CACNA1E: variants seen among roughly 807,000 people sequenced by gnomAD.
CACNA1E encodes calcium voltage-gated channel subunit alpha1 E, also known as voltage-dependent R-type calcium channel subunit alpha-1E.
CACNA1E carries 40 observed loss-of-function variants against 259.2 expected under a neutral mutation model. The ratio of observed to expected loss-of-function variants is 0.15; its 90% CI spans 0.12 to 0.20. CACNA1E has a LOEUF of 0.20. Ranked by LOEUF, CACNA1E falls within the 10% of genes least tolerant of loss-of-function variation. The probability of loss-of-function intolerance (pLI) is 1.00; values close to 1 mark genes in which losing one functional copy is unlikely to be tolerated. For missense variants in CACNA1E, 1,874 were observed against 3,040.1 expected, an observed-to-expected ratio of 0.62 and a Z score of 9.02; for synonymous variants, 1,104 against 1,138.5, an observed-to-expected ratio of 0.97 and a Z score of 0.61.
At chr1:181,756,728 C>T (rs957310680) in intron 29 of CACNA1E, among the ~76,000 whole-genome samples, 197 bp from the exon 30 acceptor site, 7 of 152,068 alleles carry the variant, frequency 4.6e-5, no homozygotes, top group South Asian at 4.2e-4. Flanking sequence ...GAGTTGAGTG[C>T]GTGATGGAAC....
intron 2 of CACNA1E, among the ~76,000 whole-genome samples, chr1:181,440,895 C>T (rs1660417385): frequency 6.9e-6 from 1 of 145,786 alleles, no homozygotes; most frequent in South Asian, 2.2e-4. Context: ...GTGGAAGGAT[C>T]GCTTGAGCCT....
At chr1:181,699,045 A>T (rs1327376319) in intron 7 of CACNA1E, among the ~76,000 whole-genome samples, 1 of 152,206 alleles carries the variant, frequency 6.6e-6, no homozygotes, top group Non-Finnish European at 1.5e-5. Context: ...GAATAGGTGT[A>T]CAGCTTGTTT....
At chr1:181,592,008 T>A (rs149299891) in intron 6 of CACNA1E, among the ~76,000 whole-genome samples, 22 of 152,344 alleles carry the variant, frequency 1.4e-4, no homozygotes, top group African/African-American at 4.1e-4. Context: ...CACTTTACAC[T>A]TTCCATTTGC....
Position 181,758,888 on chromosome 1 carries a change from C to A in CACNA1E, c.4605+20C>A. 7.6e-7 allele frequency: 1 copy of A among 1,312,788 alleles called. No individual in the cohort carries two copies. Among genetic ancestry groups the A allele is most frequent in the Non-Finnish European group, 1.1e-6 (1 of 907,256 alleles). The allele number at this position is 1,312,788 out of a possible 1,614,324, so 81.3% of individuals were successfully genotyped here. A position where few individuals can be genotyped will look rare whatever the true frequency, so the allele number is the denominator to read the frequency against. ...TTTTTGGTATGTTGCTGAATCCTTC[C>A]CAGCACTGGGCTTGTCTCTTTCTGT... On this transcript the variant is annotated intron_variant, in intron 32 of 47. Coordinates refer to ENST00000367573, the MANE Select transcript of CACNA1E (RefSeq NM_001205293.3). The surrounding 1 kb of genome is among the most constrained non-coding windows in gnomAD (Gnocchi z 4.2).
intron 1 of CACNA1E, among the ~76,000 whole-genome samples, chr1:181,350,588 C>T (rs1191050863): frequency 2.6e-5 from 4 of 152,136 alleles, no homozygotes; most frequent in Non-Finnish European, 1.5e-5. Context: ...GAATGAGTCC[C>T]TTGGCAGCAT....
At chr1:181,423,696 C>T (rs894624280) in intron 2 of CACNA1E, among the ~76,000 whole-genome samples, 6 of 115,976 alleles carry the variant, frequency 5.2e-5, no homozygotes, top group Admixed American at 9.5e-5. Context: ...TTTTGAAAGG[C>T]GGCCAGCCTC....
chr1:181,787,183 G>A (rs1239934713), intron 43 of CACNA1E, among the ~76,000 whole-genome samples: 3 of 151,956 alleles, frequency 2.0e-5, no homozygotes, highest in African/African-American at 7.3e-5. Flanking sequence ...GCAGTGGCAC[G>A]ATCTCAGCTG....
Position 181,372,170 on chromosome 1 carries a change from T to A in CACNA1E, c.-14-40963T>A, listed in dbSNP as rs58977438. Among the ~76,000 whole-genome samples the A allele has an allele frequency of 2.3e-3, 345 of 152,346 alleles. 14 individuals carry two copies. In the East Asian group the frequency reaches 0.062, roughly 28 times the overall value. ...AGTTCGGTAGGAATAGCACTGAATATGTAAATTGCTTTGAGCAGTATGGCC... is the reference window on the plus strand; with the variant it reads ...AGTTCGGTAGGAATAGCACTGAATAAGTAAATTGCTTTGAGCAGTATGGCC... On this transcript the variant is annotated intron_variant, in intron 1 of 11. Transcript: ENST00000524607.
At chr1:181,477,549 G>A (rs1053204068) in intron 2 of CACNA1E, among the ~76,000 whole-genome samples, 1 of 152,188 alleles carries the variant, frequency 6.6e-6, no homozygotes, top group Non-Finnish European at 1.5e-5. Context: ...AGGTATCATG[G>A]CCTTTGGGTC....
intron 1 of CACNA1E, among the ~76,000 whole-genome samples, chr1:181,505,953 G>A (rs1665675249): frequency 6.6e-6 from 1 of 152,216 alleles, no homozygotes; most frequent in Non-Finnish European, 1.5e-5. Context: ...GTCCTGCCCT[G>A]GGGCTCCCAG....
intron 35 of CACNA1E, among the ~76,000 whole-genome samples, chr1:181,770,357 G>T (rs1243392091): frequency 3.9e-5 from 6 of 152,150 alleles, no homozygotes; most frequent in African/African-American, 1.4e-4. Context: ...GAGTGGAGGG[G>T]TTGACCTTGG....
chr1:181,689,072 C>T (rs962054568), intron 7 of CACNA1E, among the ~76,000 whole-genome samples: 7 of 152,048 alleles, frequency 4.6e-5, no homozygotes, highest in African/African-American at 9.7e-5. Context: ...TGGTTTGCTG[C>T]GCCCATCAAC....
chr1:181,379,058 G>C (rs1655289943), intron 1 of CACNA1E, among the ~76,000 whole-genome samples: 1 of 152,124 alleles, frequency 6.6e-6, no homozygotes, highest in Non-Finnish European at 1.5e-5. Flanking sequence ...AGAATTAGTA[G>C]ACAAGGACAT....
intron 1 of CACNA1E, among the ~76,000 whole-genome samples, chr1:181,496,308 CT>C (rs2102538058): frequency 6.6e-6 from 1 of 152,274 alleles, no homozygotes; most frequent in East Asian, 1.9e-4. Context: ...AGATAGGATA[CT>C]TAAAATGATC....
intron 1 of CACNA1E, among the ~76,000 whole-genome samples, chr1:181,321,635 A>G (rs993340964): frequency 1.3e-5 from 2 of 152,184 alleles, no homozygotes; most frequent in Non-Finnish European, 2.9e-5. Flanking sequence ...TCTATCATAA[A>G]GGCAAAAATA....
At chr1:181,567,177 T>A (rs938122744) in intron 3 of CACNA1E, among the ~76,000 whole-genome samples, 2 of 152,186 alleles carry the variant, frequency 1.3e-5, no homozygotes, top group Non-Finnish European at 2.9e-5. Context: ...CTAGGATTTT[T>A]CTGAAATTTA....
intron 3 of CACNA1E, among the ~76,000 whole-genome samples, chr1:181,531,568 C>CCA (rs1553271222): frequency 3.3e-5 from 5 of 152,160 alleles, no homozygotes. Context: ...CTGGGCAGGG[C>CCA]GGGAGGTATG....
chr1:181,474,680 G>GT (rs939352530), intron 2 of CACNA1E, among the ~76,000 whole-genome samples: 7 of 151,948 alleles, frequency 4.6e-5, no homozygotes, highest in African/African-American at 1.2e-4. Context: ...GTTGATATGG[G>GT]TTTTTTTTGA....
At chr1:181,575,789 A>G (rs1650908662) in intron 3 of CACNA1E, among the ~76,000 whole-genome samples, 1 of 152,226 alleles carries the variant, frequency 6.6e-6, no homozygotes, top group African/African-American at 2.4e-5. Context: ...TGGGCAGCAC[A>G]GGAGACTGTG....
Sources: allele counts gnomAD v4.1 joint callset (sites outside exome capture counted in the v4.1 genomes callset), GRCh38; gene constraint gnomAD v4.1.1; non-coding constraint Gnocchi (gnomAD v3.1); transcripts MANE v1.5; gene names NCBI Gene and HGNC (gene_info 2026-07-23, HGNC 2026-07-21).